Variants in ZNF727 observed in about 807,000 individuals in gnomAD.
ZNF727 encodes the protein putative zinc finger protein 727.
In ZNF727, 11 loss-of-function variants were observed where a neutral mutation model predicts 11.5. The observed-to-expected ratio is 0.95, with a 90% CI of 0.60 to 1.58. ZNF727 has a LOEUF of 1.58. Among genes scored for constraint, ZNF727 ranks in the 40% most tolerant of loss-of-function variants. ZNF727 has a pLI of 0.00. For synonymous variants in ZNF727, 171 were observed against 196.1 expected, an observed-to-expected ratio of 0.87 and a Z score of 1.07; for missense variants, 533 against 581.7, an observed-to-expected ratio of 0.92 and a Z score of 0.86.
chr7:64,054,463 A>C (rs1029343879), intron 1 of ZNF727, among the ~76,000 whole-genome samples: 19 of 152,148 alleles, frequency 1.2e-4, no homozygotes, highest in Admixed American at 7.2e-4. Flanking sequence ...TCTAATATAG[A>C]TGGTGGCATG....
intron 3 of ZNF727, among the ~76,000 whole-genome samples, chr7:64,075,195 T>C (rs773006207): frequency 4.6e-5 from 7 of 152,062 alleles, no homozygotes; most frequent in Non-Finnish European, 7.4e-5. Context: ...AATTGTTCAT[T>C]TTATTTTATA....
In ZNF727 at chr7:64,076,067, T is replaced by C. The variant is rs957840779; in HGVS notation, c.227-1209T>C. ...ATATTTTAGTGGCTCATGTTTTAGTTGGCTATGTCATTAATTAATTGTGCT... is the reference window on the plus strand; with the variant it reads ...ATATTTTAGTGGCTCATGTTTTAGTCGGCTATGTCATTAATTAATTGTGCT... On this transcript the variant is annotated intron_variant, in intron 3 of 3. Coordinates refer to ENST00000456806, the MANE Select transcript of ZNF727 (RefSeq NM_001159522.3). Among the ~76,000 whole-genome samples the C allele has an allele frequency of 1.0e-4, 8 of 78,060 alleles. No individual in the cohort carries two copies. The East Asian group carries it at 1.7e-3, about 16-fold the overall frequency. 51.2% of individuals were successfully genotyped at this position (78,060 alleles called of 152,430 possible).
At chr7:64,070,400 T>C (rs1789941694) in intron 3 of ZNF727, among the ~76,000 whole-genome samples, 1 of 151,934 alleles carries the variant, frequency 6.6e-6, no homozygotes, top group Non-Finnish European at 1.5e-5. Context: ...GTGATTTTAT[T>C]TAGTATAAAG....
chr7:64,081,296 G>A lies in ZNF727; in HGVS notation c.*2747G>A, dbSNP rs1244821219. On this transcript the variant is annotated 3_prime_UTR_variant, in exon 4 of 4. Transcript: ENST00000456806. Reference sequence around the variant, plus strand: ...CCAAGAAGGAATGATTGTTCAGAGTGTGGGAGGATACCCTGTTCTCCGCAC... The same window carrying A: ...CCAAGAAGGAATGATTGTTCAGAGTATGGGAGGATACCCTGTTCTCCGCAC... 2.0e-5 allele frequency among the ~76,000 whole-genome samples: 3 copies of A among 152,124 alleles called. No homozygotes were observed. The highest frequency in any genetic ancestry group is 4.4e-5 in the Non-Finnish European group (3 of 68,030).
intron 1 of ZNF727, among the ~76,000 whole-genome samples, chr7:64,068,198 CTT>C (rs762915928): frequency 1.3e-5 from 2 of 152,028 alleles, no homozygotes; most frequent in African/African-American, 4.8e-5. Context: ...TTATTATACT[CTT>C]TATTTTTAAT....
At position 64,068,934 on chromosome 7, in the gene ZNF727, A is replaced by G. The variant is rs1182332735; in HGVS notation, c.47A>G (p.Glu16Gly). 1.9e-6 allele frequency: 3 copies of G among 1,605,578 alleles called. No homozygotes were observed. Among genetic ancestry groups the G allele is most frequent in the Non-Finnish European group, 2.6e-6 (3 of 1,175,610 alleles). Residue 16 changes from glutamate to glycine, a missense_variant, in exon 2 of 4, where the codon GAA becomes GGA. Physicochemically the swap from Glu to Gly is moderately conservative, Grantham distance 98. Transcript: ENST00000456806. ...FRDVAVEFSP[E>G]EWECLDSAQQ... The stretch of plus-strand genomic sequence containing the variant: ...GATGTGGCTGTAGAATTCTCCCCAG[A>G]AGAGTGGGAATGCCTGGACTCTGCT...
At chr7:64,055,585 T>C (rs1468829677) in intron 1 of ZNF727, among the ~76,000 whole-genome samples, 1 of 152,230 alleles carries the variant, frequency 6.6e-6, no homozygotes. Context: ...CTCTCTGAAT[T>C]CTACCATTCT....
chr7:64,064,415 C>T (rs1419167285), intron 1 of ZNF727, among the ~76,000 whole-genome samples: 1 of 152,160 alleles, frequency 6.6e-6, no homozygotes, highest in Non-Finnish European at 1.5e-5. Flanking sequence ...GAAAGGGGGC[C>T]TCAGAGCTTT....
intron 1 of ZNF727, among the ~76,000 whole-genome samples, chr7:64,066,867 C>G (rs189032850): frequency 3.2e-4 from 48 of 152,232 alleles, no homozygotes; most frequent in Admixed American, 3.0e-3. Context: ...GAACAGGCAG[C>G]CTACAGAATG....
intron 1 of ZNF727, among the ~76,000 whole-genome samples, chr7:64,050,664 A>G (rs891830058): frequency 2.0e-5 from 3 of 152,190 alleles, no homozygotes; most frequent in Non-Finnish European, 4.4e-5. Context: ...ACAGGCACAT[A>G]GAGATACCAG....
chr7:64,054,950 T>A (rs1008174769), intron 1 of ZNF727, among the ~76,000 whole-genome samples: 1 of 152,186 alleles, frequency 6.6e-6, no homozygotes, highest in Admixed American at 6.5e-5. Flanking sequence ...TTCTTTTATA[T>A]GTTTTACATA....
Position 64,077,694 on chromosome 7 carries a change from T to C in ZNF727, c.645T>C (p.Leu215=). ...AAGCCTGTAAAAAGTTCTCAAACCT[T>C]ACTGAACATAATAGAGTTCATACTG... ...CGKACKKFSN[L]TEHNRVHTGK... Residue 215 remains leucine (L), a synonymous_variant, in exon 4 of 4, where the codon CTT becomes CTC. Coordinates refer to ENST00000456806, the MANE Select transcript of ZNF727 (RefSeq NM_001159522.3). 1.3e-6 allele frequency: 2 copies of C among 1,570,568 alleles called. No individual in the cohort carries two copies. Among genetic ancestry groups the C allele is most frequent in the Non-Finnish European group, 1.7e-6 (2 of 1,157,606 alleles).
rs149808493 is a variant in ZNF727, at chr7:64,075,842, A to G, written c.227-1434A>G. ...AAACTTTGCAGTACATAATATACCAATGTAACAGACCTAGCCATGTAGCCT... is the reference window on the plus strand; with the variant it reads ...AAACTTTGCAGTACATAATATACCAGTGTAACAGACCTAGCCATGTAGCCT... On this transcript the variant is annotated intron_variant, in intron 3 of 3. Coordinates refer to ENST00000456806, the MANE Select transcript of ZNF727 (RefSeq NM_001159522.3). 1.2e-3 allele frequency among the ~76,000 whole-genome samples: 185 copies of G among 152,306 alleles called. 3 individuals are homozygous for G. The East Asian group carries it at 0.033, about 27-fold the overall frequency.
chr7:64,068,907 G>A lies in ZNF727; in HGVS notation c.20G>A (p.Arg7Lys), dbSNP rs1352406599. MRVLTFRDVAVEFSPEE... is the reference protein window; with the variant it reads MRVLTFKDVAVEFSPEE... ...GTTTTTCAGCGAGTGCTAACATTCA[G>A]GGATGTGGCTGTAGAATTCTCCCCA... Residue 7 changes from arginine (R) to lysine (K), a missense_variant, in exon 2 of 4, where the codon AGG (arginine) becomes AAG (lysine). Coordinates refer to ENST00000456806, the MANE Select transcript of ZNF727 (RefSeq NM_001159522.3). 3.1e-6 allele frequency: 5 copies of A among 1,600,552 alleles called. No individual in the cohort carries two copies. Among genetic ancestry groups the A allele is most frequent in the Non-Finnish European group, 4.3e-6 (5 of 1,172,840 alleles).
At chr7:64,068,808 C>T in intron 1 of ZNF727, 83 bp from the exon 2 acceptor site, 1 of 1,478,070 alleles carries the variant, frequency 6.8e-7, no homozygotes, top group Non-Finnish European at 9.2e-7. Flanking sequence ...AAGTCAGAAC[C>T]AGCTCTCTTT....
intron 1 of ZNF727, among the ~76,000 whole-genome samples, chr7:64,064,699 A>C (rs530515160): frequency 6.6e-6 from 1 of 152,260 alleles, no homozygotes; most frequent in South Asian, 2.1e-4. Flanking sequence ...AGCCCATGTG[A>C]TGCGGCTACC....
In ZNF727 at chr7:64,068,997, A is replaced by C. The variant is rs1415304953; in HGVS notation, c.110A>C (p.Tyr37Ser). The C allele has an allele frequency of 3.1e-6, 5 of 1,604,568 alleles. No individual in the cohort carries two copies. The highest frequency in any genetic ancestry group is 4.3e-6 in the Non-Finnish European group (5 of 1,175,006). ...TATAGGGATGTGATGTTAGAGAACTACGGAAACCTGTTCTCCTTGGGTGAG... is the reference window on the plus strand; with the variant it reads ...TATAGGGATGTGATGTTAGAGAACTCCGGAAACCTGTTCTCCTTGGGTGAG... ...RLYRDVMLEN[Y>S]GNLFSLGLAI... Residue 37 changes from tyrosine (Y) to serine (S), a missense_variant, in exon 2 of 4, where the codon TAC becomes TCC. Physicochemically the swap from Tyr to Ser is moderately radical, Grantham distance 144. Around this residue, in one of 3 missense-constraint regions of ZNF727, gnomAD observed 463 missense variants for 494.5 expected, o/e 0.94. Coordinates refer to ENST00000456806, the MANE Select transcript of ZNF727 (RefSeq NM_001159522.3).
At chr7:64,068,703 G>A (rs189754290) in intron 1 of ZNF727, among the ~76,000 whole-genome samples, 188 bp from the exon 2 acceptor site, 14 of 152,086 alleles carry the variant, frequency 9.2e-5, no homozygotes, top group East Asian at 5.8e-4. Context: ...CACTGGTTTC[G>A]TGATCTTATG....
At chr7:64,075,366 T>G (rs921391394) in intron 3 of ZNF727, among the ~76,000 whole-genome samples, 1 of 152,102 alleles carries the variant, frequency 6.6e-6, no homozygotes, top group Admixed American at 6.5e-5. Flanking sequence ...TTTCATCATA[T>G]TTTCTCATCA....
Sources: allele counts gnomAD v4.1 joint callset (sites outside exome capture counted in the v4.1 genomes callset), GRCh38; gene constraint gnomAD v4.1.1; regional missense constraint gnomAD v4.1.1; transcripts MANE v1.5; gene names NCBI Gene and HGNC (gene_info 2026-07-23, HGNC 2026-07-21).